Variants in UTRN observed in about 807,000 individuals in gnomAD.
The protein encoded by UTRN is utrophin.
UTRN carries 283 observed loss-of-function variants against 463.9 expected under a neutral mutation model. The observed-to-expected ratio is 0.61, with a 90% CI of 0.55 to 0.67. The LOEUF (loss-of-function observed/expected upper bound fraction) is 0.67, where lower values mean the gene tolerates loss of function less well. UTRN is among the 30% of genes least tolerant of loss of function. The probability of loss-of-function intolerance (pLI) is 0.00; values close to 1 mark genes in which losing one functional copy is unlikely to be tolerated. For missense variants in UTRN, 3,922 were observed against 4,084.3 expected (o/e 0.96, Z 1.08); for synonymous variants, 1,442 against 1,431.5 (o/e 1.01, Z -0.17).
chr6:144,520,849 C>A (rs1796021539), intron 39 of UTRN, among the ~76,000 whole-genome samples: 1 of 152,138 alleles, frequency 6.6e-6, no homozygotes, highest in African/African-American at 2.4e-5. Context: ...AGGAAGGTAC[C>A]TTAATTCATG....
At chr6:144,504,800 C>G (rs200436039) in intron 34 of UTRN, among the ~76,000 whole-genome samples, 1 of 152,110 alleles carries the variant, frequency 6.6e-6, no homozygotes, top group Non-Finnish European at 1.5e-5. Flanking sequence ...GAGTCCCTCT[C>G]TTTCTATTGT....
chr6:144,551,167 ACAAACAC>A, intron 48 of UTRN, 85 bp downstream of exon 48: 1 of 795,030 alleles, frequency 1.3e-6, no homozygotes, highest in Non-Finnish European at 1.9e-6. Context: ...ACACACACAC[ACAAACAC>A]ATTTTCAAAG....
At chr6:144,646,005 CT>C (rs1778263309) in intron 51 of UTRN, among the ~76,000 whole-genome samples, 1 of 152,142 alleles carries the variant, frequency 6.6e-6, no homozygotes, top group Non-Finnish European at 1.5e-5. Context: ...AAATCCTTTT[CT>C]TGTTGATCTT....
intron 50 of UTRN, among the ~76,000 whole-genome samples, chr6:144,566,575 C>T (rs79339780): frequency 0.015 from 2,266 of 152,138 alleles, 64 homozygotes; most frequent in African/African-American, 0.052. Flanking sequence ...TGTCATTCCT[C>T]ACTAGAGCTA....
At chr6:144,360,197 G>A (rs1268962159) in intron 2 of UTRN, among the ~76,000 whole-genome samples, 1 of 136,996 alleles carries the variant, frequency 7.3e-6, no homozygotes, top group Non-Finnish European at 1.5e-5. Flanking sequence ...TCCTTTCTTT[G>A]TGTCTCACTT....
intron 53 of UTRN, among the ~76,000 whole-genome samples, chr6:144,725,143 T>C (rs980122590): frequency 2.0e-5 from 3 of 152,198 alleles, no homozygotes; most frequent in African/African-American, 7.2e-5. Context: ...GGCAGGTTTT[T>C]CCCATGCTGT....
At chr6:144,835,967 G>A (rs1195229715) in intron 70 of UTRN, 29 bp downstream of exon 70, 1 of 1,607,580 alleles carries the variant, frequency 6.2e-7, no homozygotes. Context: ...AAGGAAATAT[G>A]TCATCCTTTC....
At chr6:144,457,567 G>A (rs1458319205) in intron 19 of UTRN, among the ~76,000 whole-genome samples, 1 of 152,118 alleles carries the variant, frequency 6.6e-6, no homozygotes, top group African/African-American at 2.4e-5. Flanking sequence ...CCATTAACAG[G>A]GGTAATGCAG....
intron 2 of UTRN, among the ~76,000 whole-genome samples, chr6:144,359,836 G>A (rs1778891821): frequency 6.6e-6 from 1 of 151,792 alleles, no homozygotes; most frequent in Admixed American, 6.6e-5. Flanking sequence ...CAGCCTCTGA[G>A]TAGAACATTG....
chr6:144,684,607 AC>A (rs1371328836), intron 52 of UTRN, among the ~76,000 whole-genome samples: 1 of 152,104 alleles, frequency 6.6e-6, no homozygotes, highest in Non-Finnish European at 1.5e-5. Flanking sequence ...TTATTTTATT[AC>A]ATTCGACCTG....
At chr6:144,589,983 C>T (rs912727078) in intron 51 of UTRN, among the ~76,000 whole-genome samples, 1 of 151,902 alleles carries the variant, frequency 6.6e-6, no homozygotes, top group Non-Finnish European at 1.5e-5. Flanking sequence ...TCTCGAGTAG[C>T]TGGGATCACA....
At position 144,438,767 on chromosome 6, in the gene UTRN, C is replaced by G; in HGVS notation, c.1264C>G (p.Leu422Val). ...CAGGCTGCACGATGTGCTGATGGAA[C>G]TGCAGAAGAAGCAACTGCAGCAGCT... ...QSRLHDVLME[L>V]QKKQLQQLSA... Residue 422 changes from leucine to valine, a missense_variant, in exon 12 of 75, where the codon CTG (leucine) becomes GTG (valine). Around this residue, in one of 3 missense-constraint regions of UTRN, gnomAD observed 2,349 missense variants for 2,303.8 expected, o/e 1.02. Transcript: ENST00000367545. The G allele has an allele frequency of 6.2e-7, 1 of 1,614,192 alleles. No homozygotes were observed. The highest frequency in any genetic ancestry group is 8.5e-7 in the Non-Finnish European group (1 of 1,180,030).
chr6:144,641,727 T>G (rs191912879), intron 51 of UTRN, among the ~76,000 whole-genome samples: 7 of 152,342 alleles, frequency 4.6e-5, no homozygotes, highest in Admixed American at 3.9e-4. Flanking sequence ...AAAATGCTAC[T>G]TTTAGAGTTT....
At chr6:144,578,453 G>A (rs1451437928) in intron 51 of UTRN, among the ~76,000 whole-genome samples, 3 of 152,254 alleles carry the variant, frequency 2.0e-5, no homozygotes, top group East Asian at 3.9e-4. Context: ...TCATCCCTCA[G>A]CCACCTGAGT....
intron 40 of UTRN, 111 bp downstream of exon 40, chr6:144,522,282 G>A (rs1382728189): frequency 1.2e-6 from 1 of 844,800 alleles, no homozygotes; most frequent in African/African-American, 1.8e-5. Flanking sequence ...TTTGTGCCAG[G>A]GGATTAATAA....
chr6:144,336,984 T>C (rs1021445466), intron 2 of UTRN, among the ~76,000 whole-genome samples: 3 of 152,078 alleles, frequency 2.0e-5, no homozygotes, highest in African/African-American at 7.2e-5. Flanking sequence ...ATCACTTGGC[T>C]TCCATGTAGT....
chr6:144,645,943 A>G (rs1393819145), intron 51 of UTRN, among the ~76,000 whole-genome samples: 3 of 152,150 alleles, frequency 2.0e-5, no homozygotes, highest in Non-Finnish European at 4.4e-5. Context: ...TATTGAAAAC[A>G]TATTATTTAG....
At chr6:144,406,523 T>A (rs2114806051) in intron 3 of UTRN, among the ~76,000 whole-genome samples, 1 of 152,168 alleles carries the variant, frequency 6.6e-6, no homozygotes, top group African/African-American at 2.4e-5. Context: ...CATGTCACCA[T>A]GCCCAGCTAA....
At chr6:144,780,357 T>C (rs1017650053) in intron 60 of UTRN, among the ~76,000 whole-genome samples, 4 of 152,106 alleles carry the variant, frequency 2.6e-5, no homozygotes, top group Non-Finnish European at 5.9e-5. Flanking sequence ...TGCCTCTTAT[T>C]TTTTTAATGC....
Sources: gnomAD v4.1 joint callset for allele counts (sites outside exome capture counted in the v4.1 genomes callset) on GRCh38, gnomAD v4.1.1 for gene constraint, gnomAD v4.1.1 regional missense constraint, MANE v1.5 for transcripts, NCBI Gene and HGNC (gene_info 2026-07-23, HGNC 2026-07-21) for gene names.